The following ZNF783 variants were observed in gnomAD, a reference collection of about 807,000 sequenced individuals.
ZNF783 encodes the protein protein ZNF783.
ZNF783 carries 25 observed loss-of-function variants against 31.3 expected under a neutral mutation model. The observed-to-expected ratio is 0.80, with a 90% CI of 0.58 to 1.11. The LOEUF (loss-of-function observed/expected upper bound fraction) is 1.11, where lower values mean the gene tolerates loss of function less well. Among genes scored for constraint, ZNF783 ranks in the 50% most tolerant of loss-of-function variants. The pLI is 0.00. For missense variants in ZNF783, 797 were observed against 760.0 expected, an observed-to-expected ratio of 1.05 and a Z score of -0.57; for synonymous variants, 369 against 319.1, an observed-to-expected ratio of 1.16 and a Z score of -1.66.
rs1318377740 is a variant in ZNF783, at chr7:149,282,268, C to T, written c.1566C>T (p.Gly522=). The part of the protein sequence containing the change: ...HMQTHARGQV[G]PHFPAAPARH... ...AGACCCACGCCCGAGGCCAGGTGGGCCCACACTTCCCTGCCGCCCCCGCCC... is the reference window on the plus strand; with the variant it reads ...AGACCCACGCCCGAGGCCAGGTGGGTCCACACTTCCCTGCCGCCCCCGCCC... Residue 522 remains glycine (G), a synonymous_variant, in exon 6 of 6, where the codon GGC becomes GGT. Coordinates refer to ENST00000434415, the MANE Select transcript of ZNF783 (RefSeq NM_001195220.2). The T allele has an allele frequency of 6.3e-7, 1 of 1,590,290 alleles. No individual in the cohort carries two copies. The highest frequency in any genetic ancestry group is 8.5e-7 in the Non-Finnish European group (1 of 1,176,616).
rs2129525324 is a variant in ZNF783, at chr7:149,283,738, T to G, written c.*1395T>G. The G allele has an allele frequency of 6.6e-6, 1 of 152,378 alleles. No homozygotes were observed. Among genetic ancestry groups the G allele is most frequent in the East Asian group, 1.9e-4 (1 of 5,180 alleles). The allele number at this position is 152,378 out of a possible 1,614,324, so 9.4% of individuals were successfully genotyped here. On this transcript the variant is annotated 3_prime_UTR_variant, in exon 6 of 6. Coordinates refer to ENST00000434415, the MANE Select transcript of ZNF783 (RefSeq NM_001195220.2). ...GTCACAGCTAGTCTCATGTTCCTCT[T>G]CTGTCAAAGGGGTCATGGCCCCAGT...
Position 149,262,345 on chromosome 7 carries a change from G to T in ZNF783, c.12G>T (p.Ala4=). 7.5e-7 allele frequency: 1 copy of T among 1,335,312 alleles called. No homozygotes were observed. Among genetic ancestry groups the T allele is most frequent in the Non-Finnish European group, 9.6e-7 (1 of 1,038,624 alleles). 82.7% of individuals were successfully genotyped at this position (1,335,312 alleles called of 1,614,324 possible). A position where few individuals can be genotyped will look rare whatever the true frequency, so the allele number is the denominator to read the frequency against. Residue 4 remains alanine, a synonymous_variant, in exon 1 of 6, where the codon GCG becomes GCT. Coordinates refer to ENST00000434415, the MANE Select transcript of ZNF783 (RefSeq NM_001195220.2). The part of the protein sequence containing the change: MAE[A]APARDPETDK... ...GGACGCGGGCAGCCATGGCCGAAGC[G>T]GCGCCTGCCCGGGTAAGCGCCCTCG... is the stretch of plus-strand genomic sequence containing the variant.
chr7:149,271,873 A>C (rs1014071558), intron 4 of ZNF783, among the ~76,000 whole-genome samples: 2 of 152,152 alleles, frequency 1.3e-5, no homozygotes, highest in Non-Finnish European at 2.9e-5. Flanking sequence ...GTGGATTCAG[A>C]ATGTTCTGTG....
At position 149,280,137 on chromosome 7, in the gene ZNF783, G is replaced by C. The variant is rs1412682234; in HGVS notation, c.803-1368G>C. Reference sequence around the variant, plus strand: ...TCCCTCCCGGACAGGGCGGCTGGCCGGGCGGGGGGCTGACCCCCCCACCTC... The same window carrying C: ...TCCCTCCCGGACAGGGCGGCTGGCCCGGCGGGGGGCTGACCCCCCCACCTC... On this transcript the variant is annotated intron_variant, in intron 5 of 5. Transcript: ENST00000434415. Among the ~76,000 whole-genome samples, 431 of 147,930 alleles carry C rather than the reference G, an allele frequency of 2.9e-3. 4 individuals carry two copies. The highest frequency in any genetic ancestry group is 9.5e-3 in the African/African-American group (383 of 40,162).
At chr7:149,262,694 G>A (rs1796956884) in intron 1 of ZNF783, among the ~76,000 whole-genome samples, 1 of 152,190 alleles carries the variant, frequency 6.6e-6, no homozygotes, top group African/African-American at 2.4e-5. Flanking sequence ...CCCTACAGCA[G>A]GCTGGGCGGG....
Position 149,282,071 on chromosome 7 carries a change from C to G in ZNF783, c.1369C>G (p.Leu457Val). Reference protein sequence around the residue: ...QRKSLLLHQRLHTGNGQGWPA... With the variant: ...QRKSLLLHQRVHTGNGQGWPA... ...CAAGAGCCTGCTGCTGCACCAGCGC[C>G]TGCACACCGGCAATGGCCAGGGCTG... Residue 457 changes from leucine to valine, a missense_variant, in exon 6 of 6, where the codon CTG becomes GTG. By Grantham distance (32) the Leu-to-Val change is conservative (BLOSUM62 1). Transcript: ENST00000434415. The G allele has an allele frequency of 6.3e-7, 1 of 1,596,022 alleles. No individual in the cohort carries two copies. Among genetic ancestry groups the G allele is most frequent in the Non-Finnish European group, 8.5e-7 (1 of 1,178,724 alleles).
intron 4 of ZNF783, among the ~76,000 whole-genome samples, chr7:149,269,498 G>A (rs1486637306): frequency 6.6e-6 from 1 of 152,096 alleles, no homozygotes; most frequent in African/African-American, 2.4e-5. Flanking sequence ...TTTGCCAAGG[G>A]CAATATCGAG....
intron 4 of ZNF783, among the ~76,000 whole-genome samples, chr7:149,274,510 C>T (rs138106256): frequency 0.026 from 4,015 of 152,242 alleles, 207 homozygotes; most frequent in East Asian, 0.23. Context: ...GGACTACAGG[C>T]GCCAGCCACC....
intron 4 of ZNF783, chr7:149,276,215 C>T (rs1392859366): frequency 8.3e-5 from 41 of 493,234 alleles, no homozygotes; most frequent in Admixed American, 1.3e-4. Context: ...TAGTGGCTCA[C>T]GAACAGTCAG....
intron 4 of ZNF783, among the ~76,000 whole-genome samples, chr7:149,267,616 T>G (rs1410986385): frequency 2.0e-5 from 3 of 152,048 alleles, no homozygotes; most frequent in African/African-American, 7.3e-5. Flanking sequence ...GTTAACATAG[T>G]GAAACCCCTT....
At chr7:149,278,560 A>G (rs771372007) in intron 5 of ZNF783, 33 bp downstream of exon 5, 1 of 1,598,274 alleles carries the variant, frequency 6.3e-7, no homozygotes, top group Non-Finnish European at 8.5e-7. Context: ...CAGGATGAAC[A>G]GTGTCCCGAG....
In ZNF783 at chr7:149,282,330, A is replaced by C; in HGVS notation, c.1628A>C (p.Lys543Thr). 1 of 1,529,480 alleles carries C rather than the reference A, an allele frequency of 6.5e-7. No individual in the cohort carries two copies. Among genetic ancestry groups the C allele is most frequent in the Non-Finnish European group, 8.7e-7 (1 of 1,144,980 alleles). 94.7% of individuals were successfully genotyped at this position (1,529,480 alleles called of 1,614,324 possible). ...GSLPLPWPSR[K>T]EEG ...CTGCCCCTGCCCTGGCCCAGCCGGA[A>C]GGAGGAGGGCTGACCTGGCAGGAGC... The change falls in exon 6 of 6, where the codon AAG becomes ACG. Residue 543 changes from lysine (K) to threonine (T), a missense_variant. Physicochemically the swap from Lys to Thr is moderately conservative, Grantham distance 78. Coordinates refer to ENST00000434415, the MANE Select transcript of ZNF783 (RefSeq NM_001195220.2).
At chr7:149,266,279 G>T in intron 1 of ZNF783, 56 bp from the exon 2 acceptor site, 17 of 1,457,650 alleles carry the variant, frequency 1.2e-5, no homozygotes, top group Non-Finnish European at 1.5e-5. Context: ...TTTTTGAGGT[G>T]GAAGTTTTGA....
chr7:149,282,100 C>T lies in ZNF783; in HGVS notation c.1398C>T (p.Pro466=), dbSNP rs1178811164. 14 of 1,597,344 alleles carry T rather than the reference C, an allele frequency of 8.8e-6. No individual in the cohort carries two copies. The highest frequency in any genetic ancestry group is 1.6e-4 in the Middle Eastern group (1 of 6,078). Residue 466 remains proline, a synonymous_variant, in exon 6 of 6, where the codon CCC becomes CCT. Transcript: ENST00000434415. The part of the protein sequence containing the change: ...RLHTGNGQGW[P]ACPYCGKAFR... The stretch of plus-strand genomic sequence containing the variant: ...ACACCGGCAATGGCCAGGGCTGGCC[C>T]GCCTGCCCCTACTGCGGCAAGGCCT...
chr7:149,280,901 A>G (rs1797452037), intron 5 of ZNF783, among the ~76,000 whole-genome samples: 1 of 152,190 alleles, frequency 6.6e-6, no homozygotes, highest in Non-Finnish European at 1.5e-5. Flanking sequence ...CTGGGAGTTG[A>G]GTGAGACTCA....
chr7:149,266,211 TGCTAACTCAGGA>T, intron 1 of ZNF783, 112 bp from the exon 2 acceptor site: 1 of 1,164,894 alleles, frequency 8.6e-7, no homozygotes, highest in Non-Finnish European at 1.2e-6. Context: ...CCCAGTCTGC[TGCTAACTCAGGA>T]GCCCAGATGG....
intron 4 of ZNF783, 154 bp from the exon 5 acceptor site, chr7:149,278,245 C>A: frequency 7.0e-7 from 1 of 1,430,976 alleles, no homozygotes; most frequent in South Asian, 1.5e-5. Flanking sequence ...AATCTAGCTG[C>A]CAGGTATTTG....
rs1797070207 is a variant in ZNF783, at chr7:149,266,509, C to T, written c.199C>T (p.Leu67=). ...TTCCTGCCTGACCCGCTTGCTGACTCTGGAGGGGCGCACGGGGACAGCCGA... is the reference window on the plus strand; with the variant it reads ...TTCCTGCCTGACCCGCTTGCTGACTTTGGAGGGGCGCACGGGGACAGCCGA... ...VDSCLTRLLT[L]EGRTGTAEKK... is the part of the protein sequence containing the mutation. Residue 67 remains leucine, a synonymous_variant, in exon 2 of 6, where the codon CTG becomes TTG. Coordinates refer to ENST00000434415, the MANE Select transcript of ZNF783 (RefSeq NM_001195220.2). 4 of 1,613,812 alleles carry T rather than the reference C, an allele frequency of 2.5e-6. No individual in the cohort carries two copies. The highest frequency in any genetic ancestry group is 3.4e-6 in the Non-Finnish European group (4 of 1,180,022).
chr7:149,266,727 C>G lies in ZNF783; in HGVS notation c.417C>G (p.Pro139=). The G allele has an allele frequency of 6.2e-7, 1 of 1,613,734 alleles. No homozygotes were observed. The highest frequency in any genetic ancestry group is 8.5e-7 in the Non-Finnish European group (1 of 1,179,812). The change falls in exon 2 of 6, where the codon CCC becomes CCG. Residue 139 remains proline (P), a synonymous_variant. Coordinates refer to ENST00000434415, the MANE Select transcript of ZNF783 (RefSeq NM_001195220.2). ...CCCCGGGCAGCAAGGGGGAGGCCCC[C>G]AAGGTAGCACCGGGACACCCTGGGG... ...RLPPGSKGEA[P]KVPVTFDDVA...
Sources: allele counts gnomAD v4.1 joint callset (sites outside exome capture counted in the v4.1 genomes callset), GRCh38; gene constraint gnomAD v4.1.1; transcripts MANE v1.5; gene names NCBI Gene and HGNC (gene_info 2026-07-23, HGNC 2026-07-21).